The following CCDC178 variants were observed in gnomAD, a reference collection of about 807,000 sequenced individuals.
CCDC178 encodes coiled-coil domain containing 178.
A neutral mutation model predicts 117.4 loss-of-function variants in CCDC178; 126 were observed. That is an observed-to-expected ratio of 1.07 (90% confidence interval 0.93 to 1.24). The LOEUF (loss-of-function observed/expected upper bound fraction) is 1.24. Ranked by LOEUF, CCDC178 falls within the 50% of genes most tolerant of loss-of-function variation. CCDC178 has a pLI of 0.00. For synonymous variants in CCDC178, 283 were observed against 313.4 expected, an observed-to-expected ratio of 0.90 and a Z score of 1.02; for missense variants, 1,030 against 986.9, an observed-to-expected ratio of 1.04 and a Z score of -0.59.
At chr18:33,041,402 A>G (rs1489760846) in intron 21 of CCDC178, among the ~76,000 whole-genome samples, 1 of 151,168 alleles carries the variant, frequency 6.6e-6, no homozygotes, top group Non-Finnish European at 1.5e-5. Context: ...TTCCCTATGT[A>G]TATCAATGAA....
chr18:33,326,441 C>T lies in CCDC178; in HGVS notation c.880-2808G>A, dbSNP rs146673648. ...CTCAAAACTGGGTAAGACAACACAA[C>T]ACACTGTGTACTCTAAGGGGTAAAA... On this transcript the variant is annotated intron_variant, in intron 10 of 22. Transcript: ENST00000383096. Among the ~76,000 whole-genome samples the T allele has an allele frequency of 9.6e-4, 146 of 152,274 alleles. No homozygotes were observed. In the East Asian group the frequency reaches 0.027, roughly 28 times the overall value.
chr18:33,215,493 T>G, intron 19 of CCDC178, 57 bp downstream of exon 19: 1 of 937,344 alleles, frequency 1.1e-6, no homozygotes, highest in Non-Finnish European at 1.5e-6. Flanking sequence ...GGAAATTTGA[T>G]CTTATTTATT....
Position 33,226,292 on chromosome 18 carries a change from C to T in CCDC178, c.1656+501G>A, listed in dbSNP as rs561404345. 4.6e-5 allele frequency among the ~76,000 whole-genome samples: 7 copies of T among 152,238 alleles called. No homozygotes were observed. In the East Asian group the frequency reaches 9.6e-4, roughly 21 times the overall value. On this transcript the variant is annotated intron_variant, in intron 16 of 22. Coordinates refer to ENST00000383096, the MANE Select transcript of CCDC178 (RefSeq NM_001105528.4). ...CTAAAGGGGAGGCATTCTAGAAACA[C>T]GGCATGGATCAAAAAACCCAATCTG...
rs753389070 is a variant in CCDC178 at position 33,266,917 on chromosome 18, T to G, written c.1408A>C (p.Ser470Arg). The change falls in exon 14 of 23, where the codon AGC (serine) becomes CGC (arginine). Residue 470 changes from serine (S) to arginine (R), a missense_variant and splice_region_variant. Ser to Arg is a moderately radical substitution (Grantham distance 110). Coordinates refer to ENST00000383096, the MANE Select transcript of CCDC178 (RefSeq NM_001105528.4). Reference protein sequence around the residue: ...INKITVKTNESIRKKSKYESE... With the variant: ...INKITVKTNERIRKKSKYESE... ...GAAGAAAAGTATTTGCAAATTTACC[T>G]TTCATTGGTTTTTACTGTTATTTTG... 1 of 1,563,818 alleles carries G rather than the reference T, an allele frequency of 6.4e-7. No homozygotes were observed. Among genetic ancestry groups the G allele is most frequent in the Admixed American group, 2.0e-5 (1 of 49,172 alleles).
At chr18:33,376,535 T>C (rs2063368652) in intron 5 of CCDC178, among the ~76,000 whole-genome samples, 2 of 152,148 alleles carry the variant, frequency 1.3e-5, no homozygotes, top group Admixed American at 6.5e-5. Flanking sequence ...TGGGGTATGA[T>C]TGCTTCTGTC....
intron 4 of CCDC178, among the ~76,000 whole-genome samples, chr18:33,392,826 G>T (rs548966194): frequency 6.6e-6 from 1 of 152,044 alleles, no homozygotes; most frequent in South Asian, 2.1e-4. Context: ...TCCAACCTGG[G>T]CAACAAAGTA....
intron 20 of CCDC178, among the ~76,000 whole-genome samples, chr18:33,122,468 G>A (rs2057949663): frequency 1.3e-5 from 2 of 152,048 alleles, no homozygotes. Flanking sequence ...AGCCTTCATA[G>A]CAGGCATAAT....
chr18:33,163,155 G>A (rs374665807), intron 20 of CCDC178, among the ~76,000 whole-genome samples: 2 of 151,840 alleles, frequency 1.3e-5, no homozygotes, highest in African/African-American at 2.4e-5. Context: ...TCTCACTGTC[G>A]TTTTTGATTT....
At chr18:32,997,966 T>A (rs1038922560) in intron 21 of CCDC178, among the ~76,000 whole-genome samples, 5 of 152,190 alleles carry the variant, frequency 3.3e-5, no homozygotes, top group African/African-American at 9.7e-5. Flanking sequence ...GACAGGAGCA[T>A]CAAATTGAAC....
chr18:33,255,508 G>C (rs189339319), intron 14 of CCDC178, among the ~76,000 whole-genome samples: 5 of 152,042 alleles, frequency 3.3e-5, no homozygotes, highest in Non-Finnish European at 7.4e-5. Flanking sequence ...TAGAGAAAAA[G>C]TAAAGTACCC....
At chr18:33,362,748 G>T (rs1268034594) in intron 6 of CCDC178, among the ~76,000 whole-genome samples, 1 of 151,926 alleles carries the variant, frequency 6.6e-6, no homozygotes, top group Non-Finnish European at 1.5e-5. Context: ...ATTGGTAGTT[G>T]CAAGACTTGG....
intron 3 of CCDC178, among the ~76,000 whole-genome samples, chr18:33,399,680 G>A (rs1476803358): frequency 1.3e-5 from 2 of 152,080 alleles, no homozygotes; most frequent in African/African-American, 2.4e-5. Context: ...GCTACACTTC[G>A]AATTCCAGTT....
intron 20 of CCDC178, among the ~76,000 whole-genome samples, chr18:33,126,995 A>ATATATAT (rs1400030710): frequency 4.3e-5 from 6 of 138,018 alleles, no homozygotes; most frequent in African/African-American, 1.8e-4. Context: ...TTAAAAAAAA[A>ATATATAT]AAATATATAT....
Position 32,937,671 on chromosome 18 carries a change from A to G in CCDC178, c.*340T>C. On this transcript the variant is annotated 3_prime_UTR_variant, in exon 23 of 23. Transcript: ENST00000383096. ...TTATTTGGGCCAAGACGATAGGGAA[A>G]TCTGGGGAAGCGAACAGTCACTGTC... 4.1e-6 allele frequency: 1 copy of G among 246,736 alleles called. No individual in the cohort carries two copies. Among genetic ancestry groups the G allele is most frequent in the Non-Finnish European group, 7.9e-6 (1 of 127,168 alleles). 15.3% of individuals were successfully genotyped at this position (246,736 alleles called of 1,614,324 possible). A position where few individuals can be genotyped will look rare whatever the true frequency, so the allele number is the denominator to read the frequency against.
chr18:33,390,333 G>A (rs1286956063), intron 4 of CCDC178, among the ~76,000 whole-genome samples: 6 of 151,676 alleles, frequency 4.0e-5, no homozygotes, highest in African/African-American at 1.4e-4. Context: ...CCAGTCCTAA[G>A]CTTTTAACAA....
intron 5 of CCDC178, among the ~76,000 whole-genome samples, chr18:33,374,699 G>T (rs950921874): frequency 4.0e-5 from 6 of 151,222 alleles, no homozygotes; most frequent in Non-Finnish European, 8.9e-5. Flanking sequence ...TAGCTTTCTT[G>T]ATGATAGTCA....
intron 20 of CCDC178, among the ~76,000 whole-genome samples, chr18:33,109,457 G>A (rs1245133268): frequency 6.6e-6 from 1 of 151,538 alleles, no homozygotes; most frequent in Non-Finnish European, 1.5e-5. Context: ...TGGTCGATGG[G>A]TTTTCTACTC....
At chr18:33,275,075 G>T (rs116657241) in intron 12 of CCDC178, among the ~76,000 whole-genome samples, 1 of 151,868 alleles carries the variant, frequency 6.6e-6, no homozygotes, top group Non-Finnish European at 1.5e-5. Context: ...GGAAATCTTT[G>T]CATTAAAAAG....
chr18:33,300,522 T>C (rs1438530608), intron 11 of CCDC178, among the ~76,000 whole-genome samples: 1 of 152,088 alleles, frequency 6.6e-6, no homozygotes, highest in Non-Finnish European at 1.5e-5. Context: ...GGTCAAATGG[T>C]TGTGACCAAA....
Sources: allele counts gnomAD v4.1 joint callset (sites outside exome capture counted in the v4.1 genomes callset), GRCh38; gene constraint gnomAD v4.1.1; transcripts MANE v1.5; gene names NCBI Gene and HGNC (gene_info 2026-07-23, HGNC 2026-07-21).